KSR2: variants seen among roughly 807,000 people sequenced by gnomAD.
The protein encoded by KSR2 is kinase suppressor of ras 2.
In KSR2, 25 loss-of-function variants were observed where a neutral mutation model predicts 107.8. That is an observed-to-expected ratio of 0.23 (90% CI 0.17 to 0.32). The LOEUF (loss-of-function observed/expected upper bound fraction) is 0.32, where lower values mean the gene tolerates loss of function less well. Among genes scored for constraint, KSR2 ranks in the 10% least tolerant of loss-of-function variants. The probability of loss-of-function intolerance (pLI) is 1.00; values close to 1 mark genes in which losing one functional copy is unlikely to be tolerated. For missense variants in KSR2, 887 were observed against 1,268.9 expected (o/e 0.70, Z 4.57); for synonymous variants, 480 against 507.0 (o/e 0.95, Z 0.71).
chr12:117,578,089 G>A (rs774264164), intron 7 of KSR2, among the ~76,000 whole-genome samples: 14 of 152,136 alleles, frequency 9.2e-5, no homozygotes, highest in South Asian at 2.1e-4. Flanking sequence ...GGGAGGCAGA[G>A]CTTGGGTGGT....
At chr12:117,590,662 C>T (rs941416724) in intron 5 of KSR2, among the ~76,000 whole-genome samples, 4 of 152,124 alleles carry the variant, frequency 2.6e-5, no homozygotes, top group Non-Finnish European at 5.9e-5. Context: ...AGTTGGCAAA[C>T]TTGACCCTCA....
chr12:117,750,262 A>G (rs1888567795), intron 4 of KSR2, among the ~76,000 whole-genome samples: 1 of 151,242 alleles, frequency 6.6e-6, no homozygotes, highest in Admixed American at 6.6e-5. Flanking sequence ...AAAAAAAAAA[A>G]AAAAAAAGAA....
At chr12:117,947,540 T>G (rs1896237395) in intron 1 of KSR2, among the ~76,000 whole-genome samples, 1 of 151,796 alleles carries the variant, frequency 6.6e-6, no homozygotes, top group Non-Finnish European at 1.5e-5. Context: ...GTAATGGAAA[T>G]CCTGGCTAGT....
In KSR2 at chr12:117,540,622, C is replaced by A. The variant is rs73405316; in HGVS notation, c.1519-735G>T. On this transcript the variant is annotated intron_variant, in intron 9 of 19. Coordinates refer to ENST00000339824, the MANE Select transcript of KSR2 (RefSeq NM_173598.6). Reference sequence around the variant, plus strand: ...TATCCTAAATCCAATGACAAATATCCAAATCATCCTGGATTCGGGTGAGTC... The same window carrying A: ...TATCCTAAATCCAATGACAAATATCAAAATCATCCTGGATTCGGGTGAGTC... Among the ~76,000 whole-genome samples the A allele has an allele frequency of 5.1e-3, 782 of 152,172 alleles. 12 individuals carry two copies. Among genetic ancestry groups the A allele is most frequent in the African/African-American group, 0.018 (739 of 41,522 alleles).
chr12:117,961,357 C>T (rs147419171), intron 1 of KSR2, among the ~76,000 whole-genome samples: 2 of 152,190 alleles, frequency 1.3e-5, no homozygotes, highest in African/African-American at 4.8e-5. Flanking sequence ...GACTGTTTAG[C>T]GAACAAGAAA....
chr12:117,849,211 C>T (rs1043451884), intron 3 of KSR2, among the ~76,000 whole-genome samples: 2 of 152,152 alleles, frequency 1.3e-5, no homozygotes, highest in African/African-American at 4.8e-5. Flanking sequence ...CCCGCTTAGC[C>T]TGCTGCACGT....
intron 4 of KSR2, among the ~76,000 whole-genome samples, chr12:117,693,656 A>T (rs1472107952): frequency 2.0e-5 from 3 of 152,186 alleles, no homozygotes; most frequent in Admixed American, 6.5e-5. Flanking sequence ...CTGGCTGGAT[A>T]AATACCTCCT....
At chr12:117,666,041 T>C (rs1884645928) in intron 5 of KSR2, among the ~76,000 whole-genome samples, 1 of 152,172 alleles carries the variant, frequency 6.6e-6, no homozygotes, top group Non-Finnish European at 1.5e-5. Flanking sequence ...AATTAATAAA[T>C]TGGCCTTCTG....
At position 117,906,478 on chromosome 12, in the gene KSR2, C is replaced by T. The variant is rs190850628; in HGVS notation, c.181-46047G>A. Among the ~76,000 whole-genome samples, 38 of 151,790 alleles carry T rather than the reference C, an allele frequency of 2.5e-4. No individual in the cohort carries two copies. The East Asian group carries it at 2.7e-3, about 11-fold the overall frequency. On this transcript the variant is annotated intron_variant, in intron 1 of 19. Coordinates refer to ENST00000339824, the MANE Select transcript of KSR2 (RefSeq NM_173598.6). Reference sequence around the variant, plus strand: ...AAAATTAGCTGGGCATGGTGGTACGCGCCTGTAGTTCCAGCTACTTGGAAG... The same window carrying T: ...AAAATTAGCTGGGCATGGTGGTACGTGCCTGTAGTTCCAGCTACTTGGAAG...
chr12:117,899,798 A>G (rs548882259), intron 1 of KSR2, among the ~76,000 whole-genome samples: 38 of 152,284 alleles, frequency 2.5e-4, no homozygotes, highest in Non-Finnish European at 2.6e-4. Context: ...GGAGAGAAAG[A>G]TTTTCTTGCT....
chr12:117,666,859 T>C (rs1884678194), intron 5 of KSR2, among the ~76,000 whole-genome samples: 1 of 152,104 alleles, frequency 6.6e-6, no homozygotes, highest in African/African-American at 2.4e-5. Context: ...GGCCTCTGGG[T>C]AGAGAAGATT....
chr12:117,740,669 T>C, intron 4 of KSR2, among the ~76,000 whole-genome samples: 2 of 137,468 alleles, frequency 1.5e-5, no homozygotes, highest in South Asian at 4.7e-4. Context: ...ATATAATATA[T>C]ATAATATATA....
intron 9 of KSR2, among the ~76,000 whole-genome samples, chr12:117,542,076 A>G (rs1435936915): frequency 1.3e-5 from 2 of 151,924 alleles, no homozygotes; most frequent in East Asian, 1.9e-4. Context: ...TGGTAGACAC[A>G]GGGTCCCACT....
At chr12:117,681,947 TA>T (rs1372578659) in intron 4 of KSR2, among the ~76,000 whole-genome samples, 1 of 152,244 alleles carries the variant, frequency 6.6e-6, no homozygotes, top group African/African-American at 2.4e-5. Flanking sequence ...TAAATCATTC[TA>T]TTATAAAGAT....
At chr12:117,887,312 G>A (rs1894206422) in intron 1 of KSR2, among the ~76,000 whole-genome samples, 2 of 151,908 alleles carry the variant, frequency 1.3e-5, no homozygotes. Context: ...ATGTTGCCCA[G>A]GCTGGTCTTA....
In KSR2 at chr12:117,454,325, A is replaced by G. The variant is rs1339535447; in HGVS notation, c.*12874T>C. 1.3e-5 allele frequency: 2 copies of G among 152,210 alleles called. No homozygotes were observed. The highest frequency in any genetic ancestry group is 2.9e-5 in the Non-Finnish European group (2 of 68,042). The allele number at this position is 152,210 out of a possible 1,614,324, so 9.4% of individuals were successfully genotyped here. A position where few individuals can be genotyped will look rare whatever the true frequency, so the allele number is the denominator to read the frequency against. ...ATGCTGAGAAAGTGTTGATGAAATC[A>G]TTATCCACAATAGACAGTGGCTCAA... On this transcript the variant is annotated 3_prime_UTR_variant, in exon 20 of 20. Transcript: ENST00000339824.
intron 4 of KSR2, among the ~76,000 whole-genome samples, chr12:117,733,042 T>C (rs1361538305): frequency 1.3e-5 from 2 of 152,140 alleles, no homozygotes; most frequent in Non-Finnish European, 2.9e-5. Context: ...ACTGCATACC[T>C]GCAAGAATTA....
Position 117,809,321 on chromosome 12 carries a change from G to C in KSR2, c.472+46107C>G, listed in dbSNP as rs555540483. 4.6e-5 allele frequency among the ~76,000 whole-genome samples: 7 copies of C among 152,070 alleles called. No homozygotes were observed. In the East Asian group the frequency reaches 9.7e-4, roughly 21 times the overall value. ...GGGTCTGGCTAATTCTTTGTTGATG[G>C]GGGTTGCGCTGTCCTGTGTATTGAA... is the stretch of plus-strand genomic sequence containing the variant. On this transcript the variant is annotated intron_variant, in intron 3 of 19. Transcript: ENST00000339824.
rs149042162 is a variant in KSR2 at position 117,571,825 on chromosome 12, G to A, written c.1325+7294C>T. Among the ~76,000 whole-genome samples, 87 of 152,226 alleles carry A rather than the reference G, an allele frequency of 5.7e-4. No homozygotes were observed. In the Middle Eastern group the frequency reaches 0.014, roughly 24 times the overall value. ...ATTCCTAGTGTGTGTTCCTCACTCTGCCACCCACAGGAAGGGTGATCTTGA... is the reference window on the plus strand; with the variant it reads ...ATTCCTAGTGTGTGTTCCTCACTCTACCACCCACAGGAAGGGTGATCTTGA... On this transcript the variant is annotated intron_variant, in intron 7 of 19. Coordinates refer to ENST00000339824, the MANE Select transcript of KSR2 (RefSeq NM_173598.6).
Sources: gnomAD v4.1 joint callset for allele counts (sites outside exome capture counted in the v4.1 genomes callset) on GRCh38, gnomAD v4.1.1 for gene constraint, MANE v1.5 for transcripts, NCBI Gene and HGNC (gene_info 2026-07-23, HGNC 2026-07-21) for gene names.